Variants in PCNX4 observed in about 807,000 individuals in gnomAD.
PCNX4 encodes pecanex 4.
Under a neutral mutation model 107.2 loss-of-function variants are expected in PCNX4, and 103 were observed. That is an observed-to-expected ratio of 0.96 (90% CI 0.82 to 1.13). PCNX4 has a LOEUF of 1.13. Ranked by LOEUF, PCNX4 falls within the 50% of genes most tolerant of loss-of-function variation. The pLI is 0.00. For missense variants in PCNX4, 1,528 were observed against 1,379.4 expected, an observed-to-expected ratio of 1.11 and a Z score of -1.71; for synonymous variants, 541 against 481.7, an observed-to-expected ratio of 1.12 and a Z score of -1.61.
chr14:60,134,284 A>G lies in PCNX4; in HGVS notation c.*63A>G, dbSNP rs1317314806. 3 of 1,564,924 alleles carry G rather than the reference A, an allele frequency of 1.9e-6. No homozygotes were observed. Among genetic ancestry groups the G allele is most frequent in the Non-Finnish European group, 2.6e-6 (3 of 1,147,892 alleles). On this transcript the variant is annotated 3_prime_UTR_variant, in exon 11 of 11. Transcript: ENST00000406854. ...TTTATTTTTTCATCCTAAAAAAGTA[A>G]CTGTGATTCTTGTAACTTGAGGACT...
Position 60,118,554 on chromosome 14 carries a change from G to A in PCNX4, c.1804G>A (p.Gly602Arg). 2 of 1,613,554 alleles carry A rather than the reference G, an allele frequency of 1.2e-6. No individual in the cohort carries two copies. The highest frequency in any genetic ancestry group is 3.3e-4 in the Middle Eastern group (2 of 6,062). The change falls in exon 7 of 11, where the codon GGG becomes AGG. Residue 602 changes from glycine (G) to arginine (R), a missense_variant. Gly to Arg is a moderately radical substitution (Grantham distance 125, BLOSUM62 -2). Coordinates refer to ENST00000406854, the MANE Select transcript of PCNX4 (RefSeq NM_001330177.2). ...PLFTLPVFLV[G>R]FPRPIQSWPG... Reference sequence around the variant, plus strand: ...TTTCACCCTTCCTGTGTTCTTGGTGGGGTTTCCCCGACCTATTCAGAGTTG... The same window carrying A: ...TTTCACCCTTCCTGTGTTCTTGGTGAGGTTTCCCCGACCTATTCAGAGTTG...
At chr14:60,118,123 T>G (rs1333136492) in intron 6 of PCNX4, among the ~76,000 whole-genome samples, 3 of 151,920 alleles carry the variant, frequency 2.0e-5, no homozygotes, top group African/African-American at 7.3e-5. Flanking sequence ...TACTGTTTTT[T>G]TTTTTTAAGA....
In PCNX4 at chr14:60,107,776, T is replaced by A; in HGVS notation, c.138T>A (p.Ile46=). ...APPYIYVNQI[I]LFLMPWVWGG... ...CTTACATATATGTTAATCAAATTAT[T>A]CTTTTTCTAATGCCATGGGTTTGGG... The change falls in exon 2 of 11, where the codon ATT becomes ATA. Residue 46 remains isoleucine (I), a synonymous_variant. Coordinates refer to ENST00000406854, the MANE Select transcript of PCNX4 (RefSeq NM_001330177.2). The A allele has an allele frequency of 6.2e-7, 1 of 1,612,814 alleles. No individual in the cohort carries two copies. Among genetic ancestry groups the A allele is most frequent in the Non-Finnish European group, 8.5e-7 (1 of 1,179,812 alleles).
At chr14:60,109,118 A>G (rs1221259021) in intron 2 of PCNX4, 1 of 167,052 alleles carries the variant, frequency 6.0e-6, no homozygotes, top group African/African-American at 2.4e-5. Context: ...AAGAGGTACC[A>G]GAGAGCTTGA....
At position 60,135,418 on chromosome 14, in the gene PCNX4, G is replaced by C. The variant is rs182243326; in HGVS notation, c.*1197G>C. 6.6e-6 allele frequency: 1 copy of C among 152,086 alleles called. No individual in the cohort carries two copies. The highest frequency in any genetic ancestry group is 1.9e-4 in the East Asian group (1 of 5,190). 9.4% of individuals were successfully genotyped at this position (152,086 alleles called of 1,614,324 possible). On this transcript the variant is annotated 3_prime_UTR_variant, in exon 11 of 11. Transcript: ENST00000406854. ...GTAATATAGTACAGTTACTAAGATA[G>C]GATTTTGTATTACTCTGAGTTTACA...
intron 2 of PCNX4, 115 bp downstream of exon 2, chr14:60,108,442 A>G (rs1221797742): frequency 1.4e-6 from 1 of 710,344 alleles, no homozygotes; most frequent in Non-Finnish European, 2.3e-6. Flanking sequence ...TCATCAAACC[A>G]TTGGGTGACA....
chr14:60,134,470 G>A lies in PCNX4; in HGVS notation c.*249G>A, dbSNP rs1020769834. The A allele has an allele frequency of 4.5e-5, 18 of 401,390 alleles. No individual in the cohort carries two copies. The highest frequency in any genetic ancestry group is 7.0e-5 in the Non-Finnish European group (16 of 227,066). 24.9% of individuals were successfully genotyped at this position (401,390 alleles called of 1,614,324 possible). A position where few individuals can be genotyped will look rare whatever the true frequency, so the allele number is the denominator to read the frequency against. Reference sequence around the variant, plus strand: ...TGCCCTCTGGACTTTAGTAGGCTTTGGTAAATGTGAGAAAACTTTTGTAGA... The same window carrying A: ...TGCCCTCTGGACTTTAGTAGGCTTTAGTAAATGTGAGAAAACTTTTGTAGA... On this transcript the variant is annotated 3_prime_UTR_variant, in exon 11 of 11. Coordinates refer to ENST00000406854, the MANE Select transcript of PCNX4 (RefSeq NM_001330177.2).
At chr14:60,104,068 T>C (rs1158290113) in intron 1 of PCNX4, among the ~76,000 whole-genome samples, 1 of 152,114 alleles carries the variant, frequency 6.6e-6, no homozygotes. Flanking sequence ...CGCCTGTAAT[T>C]CCAGCATTTT....
At chr14:60,094,275 T>G (rs1002985807) in intron 1 of PCNX4, among the ~76,000 whole-genome samples, 41 of 151,680 alleles carry the variant, frequency 2.7e-4, no homozygotes, top group Admixed American at 2.7e-3. Context: ...TTTTTACACT[T>G]TGTAGATTCC....
rs182588528 is a variant in PCNX4, at chr14:60,132,169, G to T, written c.3268-1801G>T. On this transcript the variant is annotated intron_variant, in intron 10 of 10. Transcript: ENST00000406854. ...TCTCTCCTGGCCTCTTCCAACTTCT[G>T]GTGGCCCTTAACATTCTTTGGCTAT... 9.3e-4 allele frequency among the ~76,000 whole-genome samples: 141 copies of T among 152,254 alleles called. 1 individual carries two copies. The highest frequency in any genetic ancestry group is 1.4e-3 in the Admixed American group (22 of 15,296).
rs753492458 is a variant in PCNX4 at position 60,107,956 on chromosome 14, C to A, written c.318C>A (p.Thr106=). 4 of 1,612,808 alleles carry A rather than the reference C, an allele frequency of 2.5e-6. No individual in the cohort carries two copies. In the South Asian group the frequency reaches 4.4e-5, roughly 18 times the overall value. ...CAACAACAGTAGAAAGAATACTAAC[C>A]ACGGATATCTTAGCAGAGGAGGATG... ...NKSTTVERIL[T]TDILAEEDEH... Residue 106 remains threonine (T), a synonymous_variant, in exon 2 of 11, where the codon ACC becomes ACA. Transcript: ENST00000406854.
intron 6 of PCNX4, 138 bp downstream of exon 6, chr14:60,116,198 C>A: frequency 1.2e-6 from 1 of 840,022 alleles, no homozygotes; most frequent in Non-Finnish European, 1.7e-6. Context: ...AAAAAGAAAC[C>A]TCAACTGTTA....
intron 6 of PCNX4, among the ~76,000 whole-genome samples, chr14:60,117,302 G>C (rs1895868131): frequency 6.6e-6 from 1 of 152,060 alleles, no homozygotes; most frequent in Non-Finnish European, 1.5e-5. Flanking sequence ...CTTTTATAAT[G>C]TATTTTTACT....
At chr14:60,100,146 T>A (rs1895501616) in intron 1 of PCNX4, among the ~76,000 whole-genome samples, 2 of 152,094 alleles carry the variant, frequency 1.3e-5, no homozygotes, top group South Asian at 4.2e-4. Flanking sequence ...CCTTCATATA[T>A]GAAAAGTTCT....
chr14:60,125,333 A>T, intron 9 of PCNX4, 82 bp downstream of exon 9: 1 of 1,311,710 alleles, frequency 7.6e-7, no homozygotes, highest in Non-Finnish European at 1.0e-6. Flanking sequence ...GAAGACAGTT[A>T]TTCGTTTCTA....
At chr14:60,128,379 A>G (rs780104060) in intron 10 of PCNX4, among the ~76,000 whole-genome samples, 6 of 152,222 alleles carry the variant, frequency 3.9e-5, no homozygotes, top group Non-Finnish European at 7.3e-5. Context: ...AAAGTCATAT[A>G]AAATTCTGAT....
At chr14:60,100,099 G>A (rs1399416211) in intron 1 of PCNX4, among the ~76,000 whole-genome samples, 1 of 151,894 alleles carries the variant, frequency 6.6e-6, no homozygotes, top group Non-Finnish European at 1.5e-5. Context: ...CAAAGTAACA[G>A]GAAGAAAAGA....
Position 60,114,992 on chromosome 14 carries a change from C to T in PCNX4, c.888C>T (p.Ile296=), listed in dbSNP as rs1243291284. The part of the protein sequence containing the change: ...STHLRLLVMF[I]MSAGTAIASY... ...TGTACAGGTTATTAGTAATGTTCAT[C>T]ATGTCTGCTGGAACAGCTATAGCAT... Residue 296 remains isoleucine (I), a synonymous_variant, in exon 4 of 11, where the codon ATC becomes ATT. Transcript: ENST00000406854. 2 of 1,600,378 alleles carry T rather than the reference C, an allele frequency of 1.2e-6. No homozygotes were observed. Among genetic ancestry groups the T allele is most frequent in the African/African-American group, 1.4e-5 (1 of 73,994 alleles).
intron 10 of PCNX4, chr14:60,133,665 CTA>C (rs1896194402): frequency 3.7e-6 from 2 of 534,882 alleles, no homozygotes; most frequent in African/African-American, 1.9e-5. Flanking sequence ...GTATTTATGA[CTA>C]TGCATCGCTG....
Sources: allele counts gnomAD v4.1 joint callset (sites outside exome capture counted in the v4.1 genomes callset), GRCh38; gene constraint gnomAD v4.1.1; transcripts MANE v1.5; gene names NCBI Gene and HGNC (gene_info 2026-07-23, HGNC 2026-07-21).